Variants in HNF4G observed in about 807,000 individuals in gnomAD.
HNF4G encodes the protein hepatocyte nuclear factor 4 gamma, also known as hepatocyte nuclear factor 4-gamma.
HNF4G carries 21 observed loss-of-function variants against 50.9 expected under a neutral mutation model. The ratio of observed to expected loss-of-function variants is 0.41; its 90% CI spans 0.29 to 0.59. The LOEUF (loss-of-function observed/expected upper bound fraction) is 0.59. HNF4G is among the 20% of genes least tolerant of loss of function. The pLI, the probability that HNF4G is intolerant of heterozygous loss-of-function variation, is 0.26. For missense variants in HNF4G, 527 were observed against 559.4 expected (o/e 0.94, Z 0.58); for synonymous variants, 198 against 185.6 (o/e 1.07, Z -0.54).
chr8:75,414,433 A>C (rs189228395), intron 1 of HNF4G, among the ~76,000 whole-genome samples: 1 of 152,304 alleles, frequency 6.6e-6, no homozygotes, highest in Admixed American at 6.5e-5. Flanking sequence ...CAATTTGAGA[A>C]GTTTTGATAT....
chr8:75,431,257 C>A (rs35426136), intron 1 of HNF4G, among the ~76,000 whole-genome samples: 6,672 of 151,946 alleles, frequency 0.044, 190 homozygotes, highest in Non-Finnish European at 0.062. Context: ...ATTGGAGAGC[C>A]AGAATGAAGG....
intron 2 of HNF4G, among the ~76,000 whole-genome samples, chr8:75,508,672 G>A (rs1805668092): frequency 6.6e-6 from 1 of 152,110 alleles, no homozygotes; most frequent in Admixed American, 6.6e-5. Context: ...TTACATTAGG[G>A]GAAGAACAGA....
intron 1 of HNF4G, among the ~76,000 whole-genome samples, chr8:75,481,681 C>T (rs985171844): frequency 6.6e-6 from 1 of 152,076 alleles, no homozygotes; most frequent in Non-Finnish European, 1.5e-5. Flanking sequence ...GTGTCACAGC[C>T]TTAGTGAGAT....
intron 1 of HNF4G, among the ~76,000 whole-genome samples, chr8:75,431,555 A>G (rs917189538): frequency 6.6e-6 from 1 of 152,182 alleles, no homozygotes; most frequent in African/African-American, 2.4e-5. Context: ...CAATTAAAGG[A>G]GATTATCAGA....
rs187139115 is a variant in HNF4G, at chr8:75,553,967, T to C, written c.645+770T>C. Reference sequence around the variant, plus strand: ...TTTGAACCGTTCTTACTAAGTAGGGTATAATTTTTTGTAGATGAAAATAAT... The same window carrying C: ...TTTGAACCGTTCTTACTAAGTAGGGCATAATTTTTTGTAGATGAAAATAAT... On this transcript the variant is annotated intron_variant, in intron 5 of 9. Coordinates refer to ENST00000396423, the MANE Select transcript of HNF4G (RefSeq NM_004133.5). 3.3e-5 allele frequency among the ~76,000 whole-genome samples: 5 copies of C among 152,260 alleles called. No homozygotes were observed. In the East Asian group the frequency reaches 9.6e-4, roughly 29 times the overall value.
chr8:75,529,085 G>A (rs1175028868), intron 2 of HNF4G, among the ~76,000 whole-genome samples: 2 of 151,788 alleles, frequency 1.3e-5, no homozygotes, highest in Non-Finnish European at 2.9e-5. Flanking sequence ...AGGAGATCAA[G>A]ACCATCCTGC....
chr8:75,481,853 T>C lies in HNF4G; in HGVS notation c.-143-8236T>C, dbSNP rs1465162339. Reference sequence around the variant, plus strand: ...ACAAAAAAAAATGTGTAATGGCCACTTGTATACACTTGTATACACCTCTGG... The same window carrying C: ...ACAAAAAAAAATGTGTAATGGCCACCTGTATACACTTGTATACACCTCTGG... On this transcript the variant is annotated intron_variant, in intron 1 of 10. Transcript: ENST00000354370. Among the ~76,000 whole-genome samples the C allele has an allele frequency of 2.9e-5, 4 of 136,452 alleles. No individual in the cohort carries two copies. The East Asian group carries it at 7.8e-4, about 27-fold the overall frequency. The allele number at this position is 136,452 out of a possible 152,430, so 89.5% of individuals were successfully genotyped here. A position where few individuals can be genotyped will look rare whatever the true frequency, so the allele number is the denominator to read the frequency against.
rs149077112 is a variant in HNF4G, at chr8:75,550,685, G to A, written c.383-703G>A. Among the ~76,000 whole-genome samples, 588 of 134,924 alleles carry A rather than the reference G, an allele frequency of 4.4e-3. 3 individuals are homozygous for A. Among genetic ancestry groups the A allele is most frequent in the African/African-American group, 0.017 (569 of 33,154 alleles). The allele number at this position is 134,924 out of a possible 152,430, so 88.5% of individuals were successfully genotyped here. On this transcript the variant is annotated intron_variant, in intron 3 of 9. Transcript: ENST00000396423. ...AATGCAGTTTTCAGTAAGGGATTTGGGGAATTACATTACTCTTTTTTTTTT... is the reference window on the plus strand; with the variant it reads ...AATGCAGTTTTCAGTAAGGGATTTGAGGAATTACATTACTCTTTTTTTTTT...
In HNF4G at chr8:75,474,188, T is replaced by C. The variant is rs147419901; in HGVS notation, c.-143-15901T>C. On this transcript the variant is annotated intron_variant, in intron 1 of 10. Transcript: ENST00000354370. Reference sequence around the variant, plus strand: ...GAGGGGATGGGAGGGATACTGGATATAGATAACAAAACTTAAACAGTTAAT... The same window carrying C: ...GAGGGGATGGGAGGGATACTGGATACAGATAACAAAACTTAAACAGTTAAT... 3.9e-3 allele frequency among the ~76,000 whole-genome samples: 594 copies of C among 152,308 alleles called. 4 individuals carry two copies. Among genetic ancestry groups the C allele is most frequent in the Non-Finnish European group, 6.2e-3 (422 of 68,024 alleles).
At chr8:75,556,994 T>C (rs377596014) in intron 6 of HNF4G, among the ~76,000 whole-genome samples, 7 of 152,064 alleles carry the variant, frequency 4.6e-5, no homozygotes, top group African/African-American at 1.7e-4. Flanking sequence ...TTACCAAAGG[T>C]CACAAAGCTA....
intron 1 of HNF4G, among the ~76,000 whole-genome samples, chr8:75,427,107 A>C (rs2980243): frequency 0.84 from 127,881 of 152,124 alleles, 54,506 homozygotes; most frequent in African/African-American, 0.96. Flanking sequence ...TTAGACCAGT[A>C]TTATCAAAAA....
At chr8:75,530,781 A>G (rs948298728) in intron 2 of HNF4G, among the ~76,000 whole-genome samples, 20 of 142,780 alleles carry the variant, frequency 1.4e-4, no homozygotes, top group African/African-American at 4.8e-4. Context: ...AGTGGCAGGC[A>G]TTGTTCAATG....
At chr8:75,556,287 G>C (rs1807123246) in intron 6 of HNF4G, among the ~76,000 whole-genome samples, 1 of 151,880 alleles carries the variant, frequency 6.6e-6, no homozygotes, top group African/African-American at 2.4e-5. Context: ...GGAGCATTAA[G>C]ATTTAAAAAT....
At chr8:75,545,308 G>A (rs1026885980) in intron 2 of HNF4G, among the ~76,000 whole-genome samples, 22 of 150,850 alleles carry the variant, frequency 1.5e-4, no homozygotes, top group African/African-American at 4.9e-4. Context: ...CCTACAACTT[G>A]TGAGAATCAG....
At chr8:75,473,837 G>A (rs1319731405) in intron 1 of HNF4G, among the ~76,000 whole-genome samples, 1 of 152,072 alleles carries the variant, frequency 6.6e-6, no homozygotes, top group Non-Finnish European at 1.5e-5. Context: ...CAGTTTCTTG[G>A]GCACGGTTTG....
At chr8:75,510,989 G>A (rs1224444899) in intron 2 of HNF4G, among the ~76,000 whole-genome samples, 1 of 151,846 alleles carries the variant, frequency 6.6e-6, no homozygotes, top group Non-Finnish European at 1.5e-5. Context: ...ATGCACAAAA[G>A]TTTTCTTTTT....
chr8:75,411,247 G>T (rs1489854367), intron 1 of HNF4G, among the ~76,000 whole-genome samples: 1 of 152,162 alleles, frequency 6.6e-6, no homozygotes, highest in East Asian at 1.9e-4. Context: ...GCAGAGGAAC[G>T]GTTGAAACCT....
upstream of HNF4G, among the ~76,000 whole-genome samples, chr8:75,535,139 G>C (rs1313342664): frequency 3.3e-5 from 5 of 151,704 alleles, no homozygotes; most frequent in Non-Finnish European, 7.4e-5. Context: ...AAAGCTCTTT[G>C]GAAATAGAAT....
At chr8:75,556,199 A>G (rs917629271) in intron 6 of HNF4G, 130 bp downstream of exon 6, 5 of 454,884 alleles carry the variant, frequency 1.1e-5, no homozygotes, top group East Asian at 3.2e-5. Context: ...TCACAGGTTT[A>G]ATTTAATTGT....
Sources: allele counts gnomAD v4.1 joint callset (sites outside exome capture counted in the v4.1 genomes callset), GRCh38; gene constraint gnomAD v4.1.1; transcripts MANE v1.5; gene names NCBI Gene and HGNC (gene_info 2026-07-23, HGNC 2026-07-21).